Variants in IMMP1L observed in about 807,000 individuals in gnomAD.
IMMP1L encodes the protein mitochondrial inner membrane protease subunit 1.
In IMMP1L, 24 loss-of-function variants were observed where a neutral mutation model predicts 21.8. The observed-to-expected ratio is 1.10, with a 90% CI of 0.80 to 1.55. The LOEUF is 1.55. IMMP1L is among the 40% of genes most tolerant of loss of function. The pLI is 0.00. For missense variants in IMMP1L, 195 were observed against 200.7 expected (o/e 0.97, Z 0.17); for synonymous variants, 46 against 62.8 (o/e 0.73, Z 1.26).
chr11:31,469,760 AAC>A (rs921872412), intron 1 of IMMP1L: 6 of 152,206 alleles, frequency 3.9e-5, no homozygotes, highest in Admixed American at 6.5e-5. Context: ...ATACACACAA[AAC>A]ACACAGCTAC....
chr11:31,436,082 T>C (rs1029072923), intron 4 of IMMP1L, among the ~76,000 whole-genome samples: 1 of 151,460 alleles, frequency 6.6e-6, no homozygotes, highest in African/African-American at 2.5e-5. Flanking sequence ...CTTTTGCATA[T>C]ATTAGTCTTT....
At chr11:31,486,765 C>T (rs1413685536) in intron 1 of IMMP1L, among the ~76,000 whole-genome samples, 2 of 151,790 alleles carry the variant, frequency 1.3e-5, no homozygotes, top group Admixed American at 6.6e-5. Context: ...TAAAACTACA[C>T]ATAACTACAT....
intron 1 of IMMP1L, among the ~76,000 whole-genome samples, chr11:31,473,415 C>T (rs1004050193): frequency 2.0e-5 from 3 of 152,134 alleles, no homozygotes; most frequent in Non-Finnish European, 4.4e-5. Context: ...TATTCAAAGT[C>T]ATGCAGCTCA....
At chr11:31,497,109 C>A (rs1362900491) in intron 1 of IMMP1L, among the ~76,000 whole-genome samples, 1 of 151,158 alleles carries the variant, frequency 6.6e-6, no homozygotes, top group Non-Finnish European at 1.5e-5. Flanking sequence ...TGATTTTCAA[C>A]CTTATAATGG....
chr11:31,448,152 T>C (rs1422310468), intron 4 of IMMP1L, among the ~76,000 whole-genome samples: 1 of 152,114 alleles, frequency 6.6e-6, no homozygotes, highest in South Asian at 2.1e-4. Flanking sequence ...CTACTAAAAA[T>C]ACAAAAATTA....
At chr11:31,475,770 T>C (rs1361122850) in intron 1 of IMMP1L, among the ~76,000 whole-genome samples, 1 of 152,132 alleles carries the variant, frequency 6.6e-6, no homozygotes, top group African/African-American at 2.4e-5. Flanking sequence ...ATGTATACCA[T>C]TGAGAAGATC....
chr11:31,501,438 G>C (rs1283854178), intron 1 of IMMP1L, among the ~76,000 whole-genome samples: 1 of 152,054 alleles, frequency 6.6e-6, no homozygotes, highest in Non-Finnish European at 1.5e-5. Context: ...CTCTCTCTTG[G>C]GCCACTCCAC....
At chr11:31,487,325 G>A (rs1281881085) in intron 1 of IMMP1L, among the ~76,000 whole-genome samples, 1 of 152,024 alleles carries the variant, frequency 6.6e-6, no homozygotes, top group African/African-American at 2.4e-5. Context: ...GCAGCTCCAT[G>A]TTGTTTCTGT....
intron 1 of IMMP1L, among the ~76,000 whole-genome samples, chr11:31,497,929 T>C (rs1018984889): frequency 1.3e-5 from 2 of 152,166 alleles, no homozygotes; most frequent in Admixed American, 6.5e-5. Flanking sequence ...GCTCAAAACC[T>C]TGAGCCAGTT....
At chr11:31,503,771 G>A (rs1483588319) in intron 1 of IMMP1L, among the ~76,000 whole-genome samples, 1 of 152,174 alleles carries the variant, frequency 6.6e-6, no homozygotes, top group African/African-American at 2.4e-5. Flanking sequence ...TAGGTGAGAA[G>A]GAATTGCCAC....
intron 4 of IMMP1L, among the ~76,000 whole-genome samples, chr11:31,440,712 C>A (rs1034368924): frequency 6.6e-6 from 1 of 152,106 alleles, no homozygotes; most frequent in Non-Finnish European, 1.5e-5. Context: ...TTTTAGCATA[C>A]TTGCAACAAT....
intron 1 of IMMP1L, among the ~76,000 whole-genome samples, chr11:31,502,083 CAGAG>C (rs1955638597): frequency 6.6e-6 from 1 of 151,858 alleles, no homozygotes; most frequent in South Asian, 2.1e-4. Flanking sequence ...CCTTCAAAGT[CAGAG>C]AGAAAAAATC....
chr11:31,438,712 C>G (rs1249816960), intron 4 of IMMP1L, among the ~76,000 whole-genome samples: 1 of 152,054 alleles, frequency 6.6e-6, no homozygotes, highest in Admixed American at 6.6e-5. Flanking sequence ...GTTTTTGTTT[C>G]CTTTTTTCCT....
At chr11:31,502,558 A>C (rs1365477822) in intron 1 of IMMP1L, among the ~76,000 whole-genome samples, 1 of 152,222 alleles carries the variant, frequency 6.6e-6, no homozygotes, top group Non-Finnish European at 1.5e-5. Context: ...TGATTTTTTC[A>C]TATGAAATAG....
intron 4 of IMMP1L, among the ~76,000 whole-genome samples, chr11:31,437,756 T>A (rs1016283758): frequency 3.2e-4 from 48 of 152,174 alleles, no homozygotes; most frequent in African/African-American, 1.1e-3. Context: ...TCAGTTCCTA[T>A]CGCCATGCCT....
intron 4 of IMMP1L, among the ~76,000 whole-genome samples, chr11:31,434,674 G>A (rs749265321): frequency 1.8e-4 from 27 of 151,896 alleles, no homozygotes; most frequent in African/African-American, 4.8e-4. Context: ...TTTCACTTAC[G>A]TAAGCGATTT....
chr11:31,436,992 T>A, intron 4 of IMMP1L: 1 of 249,068 alleles, frequency 4.0e-6, no homozygotes. Context: ...TCATGTAAAG[T>A]ACACAAATCA....
rs1017565671 is a variant in IMMP1L at position 31,509,585 on chromosome 11, C to G, written c.-96G>C. ...AGGTGGGCCTTTCTCACCTGGGCCC[C>G]GCCGAAGTCGACCGTCCTTTCGTAG... is the stretch of plus-strand genomic sequence containing the variant. On this transcript the variant is annotated 5_prime_UTR_variant, in exon 1 of 6. Transcript: ENST00000532287. 5 of 614,904 alleles carry G rather than the reference C, an allele frequency of 8.1e-6. No homozygotes were observed. Among genetic ancestry groups the G allele is most frequent in the South Asian group, 2.0e-5 (1 of 50,574 alleles). 38.1% of individuals were successfully genotyped at this position (614,904 alleles called of 1,614,324 possible). A position where few individuals can be genotyped will look rare whatever the true frequency, so the allele number is the denominator to read the frequency against.
At chr11:31,450,258 T>C (rs1480875872) in intron 4 of IMMP1L, among the ~76,000 whole-genome samples, 1 of 152,136 alleles carries the variant, frequency 6.6e-6, no homozygotes, top group Non-Finnish European at 1.5e-5. Context: ...CCACACAACC[T>C]CATTAGTAGG....
Sources: gnomAD v4.1 joint callset for allele counts (sites outside exome capture counted in the v4.1 genomes callset) on GRCh38, gnomAD v4.1.1 for gene constraint, MANE v1.5 for transcripts, NCBI Gene and HGNC (gene_info 2026-07-23, HGNC 2026-07-21) for gene names.